Variants in APP observed in about 807,000 individuals in gnomAD.
APP encodes the protein amyloid-beta precursor protein.
Under a neutral mutation model 101.4 loss-of-function variants are expected in APP, and 31 were observed. That is an observed-to-expected ratio of 0.31 (90% CI 0.23 to 0.41). The LOEUF is 0.41. APP is among the 10% of genes least tolerant of loss of function. The probability of loss-of-function intolerance (pLI) is 1.00; values close to 1 mark genes in which losing one functional copy is unlikely to be tolerated. For synonymous variants in APP, 366 were observed against 364.4 expected, an observed-to-expected ratio of 1.00 and a Z score of -0.05; for missense variants, 839 against 1,003.7, an observed-to-expected ratio of 0.84 and a Z score of 2.22.
chr21:25,983,654 C>T (rs1437795044), intron 8 of APP, among the ~76,000 whole-genome samples: 3 of 152,078 alleles, frequency 2.0e-5, no homozygotes, highest in African/African-American at 7.2e-5. Flanking sequence ...AAGAAACATT[C>T]GTTTTGATTT....
intron 1 of APP, among the ~76,000 whole-genome samples, chr21:26,162,579 A>T (rs1330384366): frequency 6.6e-6 from 1 of 152,070 alleles, no homozygotes; most frequent in Admixed American, 6.6e-5. Flanking sequence ...CGTTAAGTCT[A>T]TCTCAACAGT....
chr21:26,065,422 CTTTT>C (rs962633666), intron 3 of APP, among the ~76,000 whole-genome samples: 1 of 151,934 alleles, frequency 6.6e-6, no homozygotes, highest in African/African-American at 2.4e-5. Context: ...CTTGGTTTGA[CTTTT>C]TTTTAGAAAA....
At position 25,989,929 on chromosome 21, in the gene APP, A is replaced by T. The variant is rs968412331; in HGVS notation, c.1090+7431T>A. Among the ~76,000 whole-genome samples the T allele has an allele frequency of 1.9e-4, 29 of 149,294 alleles. No homozygotes were observed. The East Asian group carries it at 5.5e-3, about 28-fold the overall frequency. ...TTAAAAAAAAAGTGTCTCTAAAAAA[A>T]AAAAAAGTGTCTCTCCATTTTCCTA... On this transcript the variant is annotated intron_variant, in intron 8 of 17. Coordinates refer to ENST00000346798, the MANE Select transcript of APP (RefSeq NM_000484.4).
chr21:26,048,044 C>T (rs113352368), intron 5 of APP, among the ~76,000 whole-genome samples: 2,959 of 152,054 alleles, frequency 0.019, 87 homozygotes, highest in African/African-American at 0.068. Context: ...AGGCCAGGCA[C>T]GGTGGCTCAA....
chr21:26,166,581 C>T (rs2063615040), intron 1 of APP, among the ~76,000 whole-genome samples: 1 of 151,624 alleles, frequency 6.6e-6, no homozygotes, highest in Non-Finnish European at 1.5e-5. Context: ...ACAACAAAGC[C>T]AGTTGAGATC....
chr21:25,908,302 T>C (rs764774108), intron 14 of APP, among the ~76,000 whole-genome samples: 1 of 152,274 alleles, frequency 6.6e-6, no homozygotes, highest in Non-Finnish European at 1.5e-5. Flanking sequence ...TCTGATATGC[T>C]TATTTTCTTC....
intron 1 of APP, among the ~76,000 whole-genome samples, chr21:26,122,211 G>C (rs2062588727): frequency 6.6e-6 from 1 of 152,206 alleles, no homozygotes. Context: ...GGGCAATTCA[G>C]GCTAGGATGG....
In APP at chr21:25,933,414, C is replaced by T. The variant is rs540595247; in HGVS notation, c.1687+21176G>A. Among the ~76,000 whole-genome samples, 15 of 152,246 alleles carry T rather than the reference C, an allele frequency of 9.9e-5. No homozygotes were observed. The South Asian group carries it at 1.5e-3, about 15-fold the overall frequency. ...CATCGTGCCCAGCCTGTCTTCTTTA[C>T]GCTAGAAACTTTCAAATTAGGTTCT... On this transcript the variant is annotated intron_variant, in intron 13 of 17. Transcript: ENST00000346798.
chr21:25,900,858 A>G (rs1292783985), intron 15 of APP, among the ~76,000 whole-genome samples: 1 of 151,820 alleles, frequency 6.6e-6, no homozygotes, highest in Non-Finnish European at 1.5e-5. Context: ...ACGTGGTGGC[A>G]GGCACCTGTA....
At chr21:25,898,982 A>C (rs958015350) in intron 15 of APP, among the ~76,000 whole-genome samples, 2 of 152,224 alleles carry the variant, frequency 1.3e-5, no homozygotes, top group African/African-American at 2.4e-5. Flanking sequence ...TACAAGGAGA[A>C]GGTAAGGATA....
chr21:26,067,625 A>G, intron 3 of APP, among the ~76,000 whole-genome samples: 1 of 152,204 alleles, frequency 6.6e-6, no homozygotes, highest in East Asian at 1.9e-4. Flanking sequence ...TGTTACCATC[A>G]TTAACCCTAT....
chr21:25,986,836 G>A (rs60055979), intron 8 of APP, among the ~76,000 whole-genome samples: 4,806 of 152,326 alleles, frequency 0.032, 256 homozygotes, highest in African/African-American at 0.11. Context: ...AGCCCACCAT[G>A]CTAGGCATGT....
chr21:25,950,742 G>T (rs2041040345), intron 13 of APP, among the ~76,000 whole-genome samples: 1 of 152,122 alleles, frequency 6.6e-6, no homozygotes, highest in African/African-American at 2.4e-5. Flanking sequence ...AAGAGGTAGG[G>T]TGACTGGCTG....
chr21:25,965,222 C>A (rs746468866), intron 11 of APP, among the ~76,000 whole-genome samples: 6 of 152,222 alleles, frequency 3.9e-5, no homozygotes, highest in African/African-American at 1.2e-4. Context: ...GTAATACAAC[C>A]CAGAAGGCAA....
chr21:26,170,821 G>C (rs1259268183), upstream of APP: 1 of 528,564 alleles, frequency 1.9e-6, no homozygotes, highest in Non-Finnish European at 3.2e-6. Context: ...CAGCTGATCC[G>C]GCCCACCCCG....
chr21:25,915,138 C>A (rs1376691106), intron 13 of APP, among the ~76,000 whole-genome samples: 1 of 152,238 alleles, frequency 6.6e-6, no homozygotes, highest in Non-Finnish European at 1.5e-5. Flanking sequence ...AGCCATGGAA[C>A]TCACAGCTCC....
chr21:26,064,228 G>C (rs184510741), intron 3 of APP, among the ~76,000 whole-genome samples: 1 of 152,044 alleles, frequency 6.6e-6, no homozygotes, highest in Non-Finnish European at 1.5e-5. Flanking sequence ...CAAAAACTAA[G>C]GACATCTGAA....
At chr21:25,964,370 T>C (rs755141385) in intron 11 of APP, among the ~76,000 whole-genome samples, 29 of 152,188 alleles carry the variant, frequency 1.9e-4, no homozygotes, top group Non-Finnish European at 3.8e-4. Context: ...ATGAATCCTT[T>C]TGATTTTCTA....
chr21:26,105,912 C>T (rs9974611), intron 2 of APP, among the ~76,000 whole-genome samples: 98,441 of 152,054 alleles, frequency 0.65, 32,264 homozygotes, highest in South Asian at 0.77. Flanking sequence ...CATGCCATTC[C>T]TCATCCCTCT....
Sources: gnomAD v4.1 joint callset for allele counts (sites outside exome capture counted in the v4.1 genomes callset) on GRCh38, gnomAD v4.1.1 for gene constraint, MANE v1.5 for transcripts, NCBI Gene and HGNC (gene_info 2026-07-23, HGNC 2026-07-21) for gene names.